Variants in TECRL observed in about 807,000 individuals in gnomAD.
TECRL encodes trans-2,3-enoyl-CoA reductase like.
Under a neutral mutation model 52.8 loss-of-function variants are expected in TECRL, and 63 were observed. The ratio of observed to expected loss-of-function variants is 1.19; its 90% CI spans 0.97 to 1.47. The LOEUF (loss-of-function observed/expected upper bound fraction) is 1.47, where lower values mean the gene tolerates loss of function less well. TECRL is among the 40% of genes most tolerant of loss of function. The pLI is 0.00. For synonymous variants in TECRL, 164 were observed against 141.9 expected, an observed-to-expected ratio of 1.16 and a Z score of -1.10; for missense variants, 482 against 429.6, an observed-to-expected ratio of 1.12 and a Z score of -1.08.
intron 1 of TECRL, among the ~76,000 whole-genome samples, chr4:64,385,392 G>T (rs1723106465): frequency 6.6e-6 from 1 of 152,164 alleles, no homozygotes; most frequent in Non-Finnish European, 1.5e-5. Context: ...GTGCAATGTT[G>T]CAGTGGCTGC....
intron 4 of TECRL, among the ~76,000 whole-genome samples, chr4:64,316,195 T>C (rs1400441915): frequency 6.6e-6 from 1 of 152,112 alleles, no homozygotes; most frequent in Non-Finnish European, 1.5e-5. Flanking sequence ...TTGTGTACAA[T>C]AGTTAACTTG....
chr4:64,354,559 A>T (rs1560523491), intron 2 of TECRL, among the ~76,000 whole-genome samples: 1 of 152,198 alleles, frequency 6.6e-6, no homozygotes, highest in Non-Finnish European at 1.5e-5. Context: ...TATAGCAGAG[A>T]ATGAACAAAT....
intron 1 of TECRL, among the ~76,000 whole-genome samples, chr4:64,377,443 C>T (rs1722482466): frequency 1.3e-5 from 2 of 151,988 alleles, no homozygotes; most frequent in African/African-American, 4.8e-5. Flanking sequence ...TCATAACTTC[C>T]ACTTTTTAGT....
At chr4:64,280,827 A>C (rs1319063515) in intron 11 of TECRL, among the ~76,000 whole-genome samples, 1 of 152,170 alleles carries the variant, frequency 6.6e-6, no homozygotes, top group Non-Finnish European at 1.5e-5. Context: ...TTTGGATTAC[A>C]ATCCCTGGCT....
intron 1 of TECRL, among the ~76,000 whole-genome samples, chr4:64,376,314 T>C (rs1722394161): frequency 6.6e-6 from 1 of 151,854 alleles, no homozygotes; most frequent in East Asian, 1.9e-4. Flanking sequence ...ATTTAAGCCC[T>C]AAAAAGTAAC....
intron 6 of TECRL, among the ~76,000 whole-genome samples, chr4:64,306,764 GA>G (rs1422026107): frequency 1.3e-5 from 2 of 152,198 alleles, no homozygotes; most frequent in African/African-American, 4.8e-5. Context: ...TTCCATGAGA[GA>G]AGTCAGCACT....
chr4:64,350,774 C>T (rs953492125), intron 2 of TECRL, among the ~76,000 whole-genome samples: 8 of 151,792 alleles, frequency 5.3e-5, no homozygotes, highest in African/African-American at 1.5e-4. Context: ...CCCATCAGGA[C>T]GTGCCAAGCC....
chr4:64,277,198 G>A (rs915360778), downstream of TECRL: 28 of 478,874 alleles, frequency 5.8e-5, no homozygotes, highest in Admixed American at 4.8e-4. Context: ...GTAGTATAAT[G>A]GGAAAAAAAA....
intron 9 of TECRL, 109 bp downstream of exon 9, chr4:64,289,599 GTA>G: frequency 1.2e-6 from 1 of 829,116 alleles, no homozygotes. Context: ...TGTGGCACAT[GTA>G]TTTCCAACTA....
At position 64,280,059 on chromosome 4, in the gene TECRL, TAA is replaced by T. The variant is rs2109920274; in HGVS notation, c.*11_*12del. 2.5e-6 allele frequency: 4 copies of T among 1,584,824 alleles called. No homozygotes were observed. Among genetic ancestry groups the T allele is most frequent in the Non-Finnish European group, 3.4e-6 (4 of 1,167,052 alleles). On this transcript the variant is annotated 3_prime_UTR_variant, in exon 12 of 12. Transcript: ENST00000381210. ...ATATGTTGCTGTTTTCTATAGGAGATAAGATTCTTTTTTTACAATATGAATGG... is the reference window on the plus strand; with the variant it reads ...ATATGTTGCTGTTTTCTATAGGAGATGATTCTTTTTTTACAATATGAATGG...
intron 9 of TECRL, among the ~76,000 whole-genome samples, chr4:64,285,208 T>G (rs762785014): frequency 1.3e-5 from 2 of 152,100 alleles, no homozygotes; most frequent in Non-Finnish European, 1.5e-5. Flanking sequence ...TACAAGGTCT[T>G]TTTCTTCCCC....
intron 1 of TECRL, among the ~76,000 whole-genome samples, chr4:64,377,834 T>G (rs753439231): frequency 1.3e-5 from 2 of 152,148 alleles, no homozygotes; most frequent in African/African-American, 2.4e-5. Flanking sequence ...ATATTGCTTC[T>G]TTTTAAAACC....
intron 2 of TECRL, among the ~76,000 whole-genome samples, chr4:64,362,935 T>C (rs1272121957): frequency 6.6e-6 from 1 of 151,836 alleles, no homozygotes; most frequent in Non-Finnish European, 1.5e-5. Flanking sequence ...CTGTAGGCTA[T>C]GTTCAAGAGA....
At chr4:64,276,955 G>T, downstream of TECRL, 1 of 1,050,750 alleles carries the variant, frequency 9.5e-7, no homozygotes, top group Non-Finnish European at 1.4e-6. Context: ...ATGTGTACAT[G>T]GCTGCTACAG....
rs138343562 is a variant in TECRL at position 64,298,443 on chromosome 4, C to A, written c.774+1531G>T. Among the ~76,000 whole-genome samples, 827 of 151,052 alleles carry A rather than the reference C, an allele frequency of 5.5e-3. 5 individuals carry two copies. The highest frequency in any genetic ancestry group is 0.019 in the African/African-American group (785 of 41,416). On this transcript the variant is annotated intron_variant, in intron 8 of 11. Transcript: ENST00000381210. ...TGGGGAAAAAAAGTATAATTGCAAG[C>A]TATTAGAATTTTGCTTATGTCTAAT...
chr4:64,409,181 C>T lies in TECRL; in HGVS notation c.171G>A (p.Thr57=), dbSNP rs1724932593. 9 of 1,613,546 alleles carry T rather than the reference C, an allele frequency of 5.6e-6. No homozygotes were observed. The highest frequency in any genetic ancestry group is 7.6e-6 in the Non-Finnish European group (9 of 1,179,776). The change falls in exon 1 of 12, where the codon ACG becomes ACA. Residue 57 remains threonine (T), a synonymous_variant. Coordinates refer to ENST00000381210, the MANE Select transcript of TECRL (RefSeq NM_001010874.5). ...CAAATATTTCAATCTCAAAGTGAGT[C>T]GTTTTTGAATGTTTGACTGCTGGAG... ...RPTPAVKHSK[T]THFEIEIFDA...
intron 9 of TECRL, among the ~76,000 whole-genome samples, chr4:64,282,593 C>T (rs1722882378): frequency 6.6e-6 from 1 of 151,622 alleles, no homozygotes; most frequent in African/African-American, 2.4e-5. Context: ...AGGAATCTAC[C>T]CAAGTTATAG....
intron 8 of TECRL, among the ~76,000 whole-genome samples, chr4:64,290,666 T>G (rs966435081): frequency 6.6e-6 from 1 of 152,176 alleles, no homozygotes; most frequent in Non-Finnish European, 1.5e-5. Flanking sequence ...CTATGGACTT[T>G]AATTTCTGGA....
At position 64,358,802 on chromosome 4, in the gene TECRL, A is replaced by G. The variant is rs1476961141; in HGVS notation, c.286+16370T>C. 3.9e-5 allele frequency among the ~76,000 whole-genome samples: 6 copies of G among 151,986 alleles called. No individual in the cohort carries two copies. The East Asian group carries it at 1.2e-3, about 29-fold the overall frequency. On this transcript the variant is annotated intron_variant, in intron 2 of 11. Coordinates refer to ENST00000381210, the MANE Select transcript of TECRL (RefSeq NM_001010874.5). ...TTGGAATAACAGAAATTATTGAGAT[A>G]CAATATAGCACGTCTGAAATTAGCA...
Sources: allele counts gnomAD v4.1 joint callset (sites outside exome capture counted in the v4.1 genomes callset), GRCh38; gene constraint gnomAD v4.1.1; transcripts MANE v1.5; gene names NCBI Gene and HGNC (gene_info 2026-07-23, HGNC 2026-07-21).